The following FAM110B variants were observed in gnomAD, a reference collection of about 807,000 sequenced individuals.
FAM110B encodes protein FAM110B.
A neutral mutation model predicts 20.4 loss-of-function variants in FAM110B; 6 were observed. The ratio of observed to expected loss-of-function variants is 0.29; its 90% CI spans 0.16 to 0.58. FAM110B has a LOEUF of 0.58. Among genes scored for constraint, FAM110B ranks in the 20% least tolerant of loss-of-function variants. The pLI, the probability that FAM110B is intolerant of heterozygous loss-of-function variation, is 0.90. For synonymous variants in FAM110B, 226 were observed against 214.1 expected (o/e 1.06, Z -0.49); for missense variants, 434 against 498.2 (o/e 0.87, Z 1.23).
At chr8:58,111,938 C>T (rs1342382240) in intron 3 of FAM110B, among the ~76,000 whole-genome samples, 1 of 152,166 alleles carries the variant, frequency 6.6e-6, no homozygotes, top group African/African-American at 2.4e-5. Flanking sequence ...GTTAGTTACA[C>T]TTCAAGCAAA....
At chr8:58,045,281 A>G (rs1585838218) in intron 2 of FAM110B, among the ~76,000 whole-genome samples, 1 of 152,178 alleles carries the variant, frequency 6.6e-6, no homozygotes, top group South Asian at 2.1e-4. Context: ...ACATATAACC[A>G]CACTCTCTCT....
Position 58,124,034 on chromosome 8 carries a change from T to C in FAM110B, c.-324-21873T>C, listed in dbSNP as rs77774337. Among the ~76,000 whole-genome samples, 381 of 152,358 alleles carry C rather than the reference T, an allele frequency of 2.5e-3. 5 individuals are homozygous for C. Among genetic ancestry groups the C allele is most frequent in the African/African-American group, 8.5e-3 (352 of 41,582 alleles). On this transcript the variant is annotated intron_variant, in intron 3 of 3. Coordinates refer to ENST00000519262, the MANE Select transcript of FAM110B (RefSeq NM_001377989.1). The stretch of plus-strand genomic sequence containing the variant: ...ATCTTTTATATCTCTGCTAGCCTAC[T>C]TTACCCTGTTTCCCTTTTATTTGTT...
chr8:58,105,638 G>A (rs759991421), intron 3 of FAM110B, among the ~76,000 whole-genome samples: 32 of 135,238 alleles, frequency 2.4e-4, no homozygotes, highest in Non-Finnish European at 4.4e-4. Flanking sequence ...GTGCGATCTC[G>A]GCTCATTGCA....
chr8:58,060,535 C>T (rs763674391), intron 2 of FAM110B, among the ~76,000 whole-genome samples: 12 of 152,134 alleles, frequency 7.9e-5, no homozygotes, highest in Non-Finnish European at 1.5e-5. Flanking sequence ...CTTTAAGTAA[C>T]AGTGCTTTCG....
intron 2 of FAM110B, among the ~76,000 whole-genome samples, chr8:58,063,308 A>G (rs1805693256): frequency 6.6e-6 from 1 of 152,218 alleles, no homozygotes; most frequent in South Asian, 2.1e-4. Flanking sequence ...ACATAGTAGA[A>G]AAATTAAACA....
At chr8:58,047,668 A>T (rs1186949681) in intron 2 of FAM110B, among the ~76,000 whole-genome samples, 1 of 136,344 alleles carries the variant, frequency 7.3e-6, no homozygotes, top group Non-Finnish European at 1.5e-5. Flanking sequence ...GTCCTTAGTA[A>T]ATATCTGAAG....
chr8:58,145,286 C>A (rs1803834498), intron 3 of FAM110B, among the ~76,000 whole-genome samples: 2 of 150,292 alleles, frequency 1.3e-5, no homozygotes, highest in South Asian at 4.2e-4. Context: ...TATTGGTTGG[C>A]CAAAGTAAGA....
At chr8:58,124,172 A>G (rs922147738) in intron 3 of FAM110B, among the ~76,000 whole-genome samples, 2 of 152,154 alleles carry the variant, frequency 1.3e-5, no homozygotes, top group East Asian at 1.9e-4. Flanking sequence ...ATTGGGCTCT[A>G]TTTTACTGAC....
intron 2 of FAM110B, among the ~76,000 whole-genome samples, chr8:58,052,077 TGACTG>T (rs1805456270): frequency 6.6e-6 from 1 of 152,226 alleles, no homozygotes; most frequent in South Asian, 2.1e-4. Context: ...TTCCACTGTT[TGACTG>T]AAGAATTTTT....
chr8:58,140,167 A>AG (rs1289732364), intron 3 of FAM110B, among the ~76,000 whole-genome samples: 1 of 152,066 alleles, frequency 6.6e-6, no homozygotes, highest in Non-Finnish European at 1.5e-5. Flanking sequence ...TCCGTAGTCA[A>AG]GTGGGAAGCT....
At chr8:58,032,304 T>C (rs1398918823) in intron 2 of FAM110B, 1 of 152,232 alleles carries the variant, frequency 6.6e-6, no homozygotes, top group Non-Finnish European at 1.5e-5. Context: ...AACTACTGAA[T>C]ATGTGAATAT....
chr8:58,075,285 G>A (rs916081738), intron 2 of FAM110B, among the ~76,000 whole-genome samples: 7 of 149,400 alleles, frequency 4.7e-5, no homozygotes, highest in African/African-American at 1.7e-4. Flanking sequence ...TTGTGTGTGT[G>A]TGTGTGTGTG....
At chr8:58,043,008 T>A (rs1298010202) in intron 2 of FAM110B, among the ~76,000 whole-genome samples, 4 of 152,160 alleles carry the variant, frequency 2.6e-5, no homozygotes, top group Non-Finnish European at 5.9e-5. Flanking sequence ...AATGAGATAA[T>A]TTTCCAAGGT....
chr8:58,023,905 C>T (rs1050661540), intron 1 of FAM110B, among the ~76,000 whole-genome samples: 1 of 152,196 alleles, frequency 6.6e-6, no homozygotes, highest in African/African-American at 2.4e-5. Context: ...CTGTGTAGCA[C>T]TCTTTTTAAA....
At chr8:58,092,472 A>C (rs1806506871) in intron 3 of FAM110B, among the ~76,000 whole-genome samples, 1 of 152,000 alleles carries the variant, frequency 6.6e-6, no homozygotes, top group Admixed American at 6.6e-5. Context: ...TTCAGCTCCC[A>C]CTTCTAAGCG....
intron 3 of FAM110B, among the ~76,000 whole-genome samples, chr8:58,132,360 G>A (rs946961324): frequency 7.9e-5 from 12 of 151,966 alleles, no homozygotes; most frequent in Non-Finnish European, 1.0e-4. Context: ...GCTTGGCATC[G>A]TACAGGCTGG....
At chr8:58,040,935 C>CTTTTTTT (rs60228265) in intron 2 of FAM110B, among the ~76,000 whole-genome samples, 4 of 97,346 alleles carry the variant, frequency 4.1e-5, no homozygotes, top group Non-Finnish European at 5.9e-5. Flanking sequence ...ATGGGAAAAT[C>CTTTTTTT]TTTTTTTTTT....
chr8:58,145,200 T>TA (rs981543979), intron 3 of FAM110B, among the ~76,000 whole-genome samples: 43 of 151,264 alleles, frequency 2.8e-4, no homozygotes, highest in African/African-American at 9.2e-4. Flanking sequence ...CTTCTAATGT[T>TA]AAAAAAAAAT....
chr8:58,059,493 T>A (rs1805614408), intron 2 of FAM110B, among the ~76,000 whole-genome samples: 1 of 152,102 alleles, frequency 6.6e-6, no homozygotes, highest in Non-Finnish European at 1.5e-5. Context: ...TAATTTGCAT[T>A]TCCCTTATAA....
Sources: gnomAD v4.1 joint callset for allele counts (sites outside exome capture counted in the v4.1 genomes callset) on GRCh38, gnomAD v4.1.1 for gene constraint, MANE v1.5 for transcripts, NCBI Gene and HGNC (gene_info 2026-07-23, HGNC 2026-07-21) for gene names.